Variants in LHFPL3 observed in about 807,000 individuals in gnomAD.
LHFPL3 encodes LHFPL tetraspan subfamily member 3 protein.
Under a neutral mutation model 19.3 loss-of-function variants are expected in LHFPL3, and 5 were observed. That is an observed-to-expected ratio of 0.26 (90% confidence interval 0.14 to 0.54). The LOEUF (loss-of-function observed/expected upper bound fraction) is 0.54. Ranked by LOEUF, LHFPL3 falls within the 20% of genes least tolerant of loss-of-function variation. The pLI, the probability that LHFPL3 is intolerant of heterozygous loss-of-function variation, is 0.94. For synonymous variants in LHFPL3, 133 were observed against 126.2 expected (o/e 1.05, Z -0.36); for missense variants, 249 against 307.4 (o/e 0.81, Z 1.42).
chr7:104,586,032 T>A (rs1790569408), intron 1 of LHFPL3, among the ~76,000 whole-genome samples: 1 of 152,114 alleles, frequency 6.6e-6, no homozygotes, highest in African/African-American at 2.4e-5. Flanking sequence ...TAATTACAGT[T>A]GAAGAGTGTC....
chr7:104,822,924 T>C (rs1014852546), intron 2 of LHFPL3, among the ~76,000 whole-genome samples: 4 of 152,142 alleles, frequency 2.6e-5, no homozygotes, highest in African/African-American at 9.7e-5. Context: ...GTTTAGTGTC[T>C]ACTATGTGAC....
At chr7:104,528,795 G>A (rs1249004167) in intron 1 of LHFPL3, among the ~76,000 whole-genome samples, 2 of 151,854 alleles carry the variant, frequency 1.3e-5, no homozygotes, top group Admixed American at 1.3e-4. Flanking sequence ...CACCTTTTTT[G>A]TTTTCTAGAG....
chr7:104,814,007 C>T (rs892488327), intron 2 of LHFPL3, among the ~76,000 whole-genome samples: 1 of 152,186 alleles, frequency 6.6e-6, no homozygotes, highest in Non-Finnish European at 1.5e-5. Context: ...AAGTTCTTGT[C>T]CTGCAACCAG....
chr7:104,516,109 C>T (rs957786546), intron 1 of LHFPL3, among the ~76,000 whole-genome samples: 1 of 152,118 alleles, frequency 6.6e-6, no homozygotes, highest in Non-Finnish European at 1.5e-5. Flanking sequence ...CACAGTTCAG[C>T]ATTTCCTGAG....
At chr7:104,807,011 A>ATG (rs10665231) in intron 2 of LHFPL3, among the ~76,000 whole-genome samples, 4,808 of 139,602 alleles carry the variant, frequency 0.034, 98 homozygotes, top group South Asian at 0.13. Flanking sequence ...CAAAATATAT[A>ATG]TGTGTGTGTG....
intron 1 of LHFPL3, among the ~76,000 whole-genome samples, chr7:104,567,531 C>T (rs17421637): frequency 0.011 from 1,696 of 152,324 alleles, 16 homozygotes; most frequent in Non-Finnish European, 0.017. Flanking sequence ...CAGGTCAAAT[C>T]CAACGGATGA....
intron 1 of LHFPL3, among the ~76,000 whole-genome samples, chr7:104,421,579 T>C (rs938889287): frequency 6.6e-6 from 1 of 152,140 alleles, no homozygotes; most frequent in Non-Finnish European, 1.5e-5. Context: ...CAGTGAGTAT[T>C]TGGAAAGGCT....
intron 1 of LHFPL3, among the ~76,000 whole-genome samples, chr7:104,378,573 C>T (rs1790761330): frequency 6.6e-6 from 1 of 152,104 alleles, no homozygotes; most frequent in South Asian, 2.1e-4. Context: ...AGTAGAATTT[C>T]CTGGACATAT....
chr7:104,633,356 A>T (rs1791677114), intron 1 of LHFPL3, among the ~76,000 whole-genome samples: 1 of 152,196 alleles, frequency 6.6e-6, no homozygotes, highest in South Asian at 2.1e-4. Context: ...CACAACAGGC[A>T]TTTTGTCTGA....
At chr7:104,439,206 A>T (rs1476481419) in intron 1 of LHFPL3, among the ~76,000 whole-genome samples, 1 of 152,156 alleles carries the variant, frequency 6.6e-6, no homozygotes, top group Non-Finnish European at 1.5e-5. Flanking sequence ...CGGCCTCCAA[A>T]ACTGCTGGGA....
intron 1 of LHFPL3, among the ~76,000 whole-genome samples, chr7:104,701,493 G>C (rs1359158262): frequency 2.0e-5 from 3 of 152,000 alleles, no homozygotes; most frequent in Admixed American, 2.0e-4. Flanking sequence ...AAAATTATAA[G>C]GAAGAGAAAA....
chr7:104,466,073 A>C (rs952210391), intron 1 of LHFPL3, among the ~76,000 whole-genome samples: 1 of 152,210 alleles, frequency 6.6e-6, no homozygotes, highest in Non-Finnish European at 1.5e-5. Context: ...GTAGAGGTCT[A>C]TCAGATCCAT....
intron 1 of LHFPL3, among the ~76,000 whole-genome samples, chr7:104,731,569 AT>A (rs1437098628): frequency 1.3e-5 from 2 of 151,924 alleles, no homozygotes; most frequent in Non-Finnish European, 2.9e-5. Context: ...TTGCACATTG[AT>A]TTTGTATCCT....
chr7:104,654,617 C>A (rs1255114622), intron 1 of LHFPL3, among the ~76,000 whole-genome samples: 1 of 152,152 alleles, frequency 6.6e-6, no homozygotes, highest in Non-Finnish European at 1.5e-5. Flanking sequence ...CTACTTGCAA[C>A]CTTCTGAGTG....
At chr7:104,449,738 A>G (rs1792396289) in intron 1 of LHFPL3, among the ~76,000 whole-genome samples, 1 of 152,174 alleles carries the variant, frequency 6.6e-6, no homozygotes, top group South Asian at 2.1e-4. Context: ...TTTGAGACCA[A>G]AGGACATCAC....
At position 104,465,445 on chromosome 7, in the gene LHFPL3, T is replaced by G. The variant is rs1421856499; in HGVS notation, c.445+136221T>G. Among the ~76,000 whole-genome samples the G allele has an allele frequency of 2.6e-5, 4 of 152,348 alleles. No homozygotes were observed. In the East Asian group the frequency reaches 7.7e-4, roughly 29 times the overall value. ...TCTCTGCAGTACTGAATTTACTGTA[T>G]TAGTCTGTTCTTATGCTGCTAATAA... On this transcript the variant is annotated intron_variant, in intron 1 of 2. Coordinates refer to ENST00000424859, the MANE Select transcript of LHFPL3 (RefSeq NM_199000.3).
chr7:104,616,959 T>C (rs556096808), intron 1 of LHFPL3, among the ~76,000 whole-genome samples: 1 of 152,312 alleles, frequency 6.6e-6, no homozygotes, highest in East Asian at 1.9e-4. Context: ...AGATACCATC[T>C]CATGCCAGTT....
intron 1 of LHFPL3, among the ~76,000 whole-genome samples, chr7:104,335,673 C>T (rs569767101): frequency 2.6e-5 from 4 of 151,946 alleles, no homozygotes; most frequent in Admixed American, 2.0e-4. Flanking sequence ...TCTATATTTC[C>T]GTAAGTAAAT....
chr7:104,877,027 C>G (rs1041148417), intron 2 of LHFPL3, among the ~76,000 whole-genome samples: 1 of 151,956 alleles, frequency 6.6e-6, no homozygotes, highest in African/African-American at 2.4e-5. Context: ...ATCACAAGGA[C>G]AAAAAACCAA....
Sources: allele counts gnomAD v4.1 joint callset (sites outside exome capture counted in the v4.1 genomes callset), GRCh38; gene constraint gnomAD v4.1.1; transcripts MANE v1.5; gene names NCBI Gene and HGNC (gene_info 2026-07-23, HGNC 2026-07-21).